GUCY1A1: variants seen among roughly 807,000 people sequenced by gnomAD.
GUCY1A1 encodes guanylate cyclase 1 soluble subunit alpha 1.
GUCY1A1 carries 48 observed loss-of-function variants against 64.5 expected under a neutral mutation model. The ratio of observed to expected loss-of-function variants is 0.74; its 90% CI spans 0.59 to 0.95. The LOEUF is 0.95. Ranked by LOEUF, GUCY1A1 falls within the 40% of genes least tolerant of loss-of-function variation. The pLI is 0.00. For synonymous variants in GUCY1A1, 308 were observed against 303.4 expected (o/e 1.02, Z -0.16); for missense variants, 804 against 825.3 (o/e 0.97, Z 0.32).
rs1579053053 is a variant in GUCY1A1 at position 155,697,103 on chromosome 4, G to T, written c.236G>T (p.Cys79Phe). ...VYLHTLAESICKLIFPEFERL... is the reference protein window; with the variant it reads ...VYLHTLAESIFKLIFPEFERL... ...CTTCACACTTTGGCAGAGAGTATTT[G>T]CAAACTGATTTTCCCAGAGGTGAGT... The change falls in exon 3 of 10, where the codon TGC (cysteine) becomes TTC (phenylalanine). Residue 79 changes from cysteine to phenylalanine, a missense_variant. By Grantham distance (205) the Cys-to-Phe change is radical (BLOSUM62 -2). Coordinates refer to ENST00000506455, the MANE Select transcript of GUCY1A1 (RefSeq NM_001130682.3). 6.2e-7 allele frequency: 1 copy of T among 1,613,356 alleles called. No individual in the cohort carries two copies. The highest frequency in any genetic ancestry group is 2.2e-5 in the East Asian group (1 of 44,874).
At chr4:155,673,177 TTA>T (rs1322223697) in intron 2 of GUCY1A1, among the ~76,000 whole-genome samples, 2 of 151,478 alleles carry the variant, frequency 1.3e-5, no homozygotes, top group African/African-American at 4.9e-5. Context: ...TCAACTTATT[TTA>T]TGTCTTATAT....
At chr4:155,690,930 AAAATG>A (rs1338425796) in intron 2 of GUCY1A1, among the ~76,000 whole-genome samples, 14 of 152,352 alleles carry the variant, frequency 9.2e-5, no homozygotes, top group African/African-American at 3.1e-4. Context: ...AATAGGAAGA[AAAATG>A]AACAAGTGCA....
intron 2 of GUCY1A1, among the ~76,000 whole-genome samples, chr4:155,692,453 T>C (rs1729870876): frequency 6.6e-6 from 1 of 152,198 alleles, no homozygotes; most frequent in South Asian, 2.1e-4. Flanking sequence ...CACAACCTTC[T>C]CAGCATCTGT....
intron 2 of GUCY1A1, among the ~76,000 whole-genome samples, chr4:155,682,719 T>TGC (rs1735972947): frequency 6.6e-6 from 1 of 151,726 alleles, no homozygotes; most frequent in East Asian, 1.9e-4. Context: ...TGTGTGTGTG[T>TGC]GTGTGTGTGT....
intron 7 of GUCY1A1, among the ~76,000 whole-genome samples, chr4:155,715,834 A>C (rs1733160047): frequency 6.6e-6 from 1 of 152,202 alleles, no homozygotes; most frequent in Non-Finnish European, 1.5e-5. Flanking sequence ...ACATATGATT[A>C]GGGGAAACAA....
chr4:155,727,472 A>G (rs1734865735), intron 9 of GUCY1A1, among the ~76,000 whole-genome samples: 2 of 151,904 alleles, frequency 1.3e-5, no homozygotes, highest in Non-Finnish European at 2.9e-5. Context: ...CTTTAAAGCC[A>G]CTTCTAAAGG....
chr4:155,689,417 T>C (rs1729445846), intron 2 of GUCY1A1, among the ~76,000 whole-genome samples: 1 of 152,190 alleles, frequency 6.6e-6, no homozygotes, highest in Non-Finnish European at 1.5e-5. Context: ...GTAGTGATGA[T>C]ACTTAATTTG....
intron 2 of GUCY1A1, among the ~76,000 whole-genome samples, chr4:155,688,176 C>T (rs539915895): frequency 1.3e-5 from 2 of 151,438 alleles, no homozygotes; most frequent in South Asian, 4.2e-4. Flanking sequence ...TGCAGTGAGC[C>T]GAGATCGCAC....
At chr4:155,672,868 G>A (rs994320124) in intron 2 of GUCY1A1, among the ~76,000 whole-genome samples, 22 of 152,196 alleles carry the variant, frequency 1.4e-4, no homozygotes, top group Non-Finnish European at 2.9e-5. Flanking sequence ...ATTTTGTAGT[G>A]TAATTTCTCC....
rs1347864803 is a variant in GUCY1A1, at chr4:155,734,730, A to G, written c.*4499A>G. 2.6e-5 allele frequency: 4 copies of G among 151,966 alleles called. No homozygotes were observed. Among genetic ancestry groups the G allele is most frequent in the African/African-American group, 9.7e-5 (4 of 41,424 alleles). 9.4% of individuals were successfully genotyped at this position (151,966 alleles called of 1,614,324 possible). The stretch of plus-strand genomic sequence containing the variant: ...AATTCAGTGCTGCAGAGACGGTAGC[A>G]AAGTGCAGTTCTCTTGTTAAAACAC... On this transcript the variant is annotated 3_prime_UTR_variant, in exon 10 of 10. Coordinates refer to ENST00000506455, the MANE Select transcript of GUCY1A1 (RefSeq NM_001130682.3).
At chr4:155,687,959 C>T (rs965715467) in intron 2 of GUCY1A1, among the ~76,000 whole-genome samples, 2 of 151,960 alleles carry the variant, frequency 1.3e-5, no homozygotes, top group Admixed American at 6.6e-5. Flanking sequence ...TGCGGTGGCT[C>T]ACATCTGTAA....
intron 8 of GUCY1A1, among the ~76,000 whole-genome samples, chr4:155,718,931 C>T (rs563487692): frequency 3.3e-5 from 5 of 151,980 alleles, no homozygotes; most frequent in Admixed American, 1.3e-4. Flanking sequence ...GATTTATTTT[C>T]GATAATTGCA....
chr4:155,688,738 G>A (rs1729340655), intron 2 of GUCY1A1, among the ~76,000 whole-genome samples: 1 of 151,980 alleles, frequency 6.6e-6, no homozygotes, highest in South Asian at 2.1e-4. Context: ...GGGAAAAAAT[G>A]TGTTTGAGTG....
At chr4:155,699,130 T>G (rs563102394) in intron 3 of GUCY1A1, among the ~76,000 whole-genome samples, 1 of 152,280 alleles carries the variant, frequency 6.6e-6, no homozygotes, top group Admixed American at 6.5e-5. Context: ...GTGTCCCTTG[T>G]AGCTTTGCAT....
chr4:155,735,772 A>G lies in GUCY1A1; in HGVS notation c.*5541A>G, dbSNP rs1735995592. 6.6e-6 allele frequency: 1 copy of G among 151,958 alleles called. No individual in the cohort carries two copies. The highest frequency in any genetic ancestry group is 2.4e-5 in the African/African-American group (1 of 41,412). The allele number at this position is 151,958 out of a possible 1,614,324, so 9.4% of individuals were successfully genotyped here. A position where few individuals can be genotyped will look rare whatever the true frequency, so the allele number is the denominator to read the frequency against. ...AAGCAAAACAAAAATGCTATTACAG[A>G]AGTTGGACAGCCCAATGTGTTAAGT... On this transcript the variant is annotated 3_prime_UTR_variant, in exon 10 of 10. Coordinates refer to ENST00000506455, the MANE Select transcript of GUCY1A1 (RefSeq NM_001130682.3).
At chr4:155,686,526 C>T (rs555912046) in intron 2 of GUCY1A1, among the ~76,000 whole-genome samples, 3 of 152,266 alleles carry the variant, frequency 2.0e-5, no homozygotes, top group African/African-American at 2.4e-5. Flanking sequence ...GAACAGTTAG[C>T]TTATAAAAGC....
At chr4:155,708,107 GA>G (rs1320708172) in intron 4 of GUCY1A1, 128 bp from the exon 5 acceptor site, 1 of 531,518 alleles carries the variant, frequency 1.9e-6, no homozygotes, top group African/African-American at 1.9e-5. Context: ...AAAGTGCTGG[GA>G]TTACAGGCGT....
chr4:155,724,766 T>TA (rs1202833717), intron 9 of GUCY1A1, among the ~76,000 whole-genome samples: 3 of 151,916 alleles, frequency 2.0e-5, no homozygotes, highest in South Asian at 4.2e-4. Context: ...AACTATTTTT[T>TA]AAAAAAAATC....
chr4:155,714,408 A>G (rs546671850), intron 7 of GUCY1A1, among the ~76,000 whole-genome samples: 17 of 152,336 alleles, frequency 1.1e-4, no homozygotes, highest in African/African-American at 3.8e-4. Flanking sequence ...GGCACTGGGG[A>G]TACAGCAGTG....
Sources: allele counts gnomAD v4.1 joint callset (sites outside exome capture counted in the v4.1 genomes callset), GRCh38; gene constraint gnomAD v4.1.1; transcripts MANE v1.5; gene names NCBI Gene and HGNC (gene_info 2026-07-23, HGNC 2026-07-21).